COG7: variants seen among roughly 807,000 people sequenced by gnomAD.
COG7 encodes component of oligomeric golgi complex 7.
In COG7, 49 loss-of-function variants were observed where a neutral mutation model predicts 91.5. That is an observed-to-expected ratio of 0.54 (90% CI 0.43 to 0.68). The LOEUF is 0.68. Ranked by LOEUF, COG7 falls within the 30% of genes least tolerant of loss-of-function variation. The probability of loss-of-function intolerance (pLI) is 0.00; values close to 1 mark genes in which losing one functional copy is unlikely to be tolerated. For missense variants in COG7, 895 were observed against 961.3 expected, an observed-to-expected ratio of 0.93 and a Z score of 0.91; for synonymous variants, 365 against 388.7, an observed-to-expected ratio of 0.94 and a Z score of 0.72.
chr16:23,420,233 G>C (rs1963732489), intron 7 of COG7, among the ~76,000 whole-genome samples: 1 of 152,158 alleles, frequency 6.6e-6, no homozygotes, highest in Non-Finnish European at 1.5e-5. Context: ...ATGTAAATGT[G>C]CATATTCTAC....
chr16:23,400,516 G>A (rs250581), intron 13 of COG7, among the ~76,000 whole-genome samples: 46,093 of 152,000 alleles, frequency 0.3, 8,261 homozygotes, highest in African/African-American at 0.5. Context: ...CCATCCCAGG[G>A]ACTGCAGCCT....
intron 1 of COG7, chr16:23,446,444 T>A (rs1231476915): frequency 6.7e-6 from 1 of 149,614 alleles, no homozygotes; most frequent in African/African-American, 2.7e-5. Context: ...CTTTCCATGG[T>A]CTTTTTTTTT....
intron 7 of COG7, 88 bp downstream of exon 7, chr16:23,424,661 T>C (rs1963814689): frequency 5.1e-6 from 7 of 1,367,800 alleles, no homozygotes; most frequent in Admixed American, 1.7e-5. Context: ...AAATCAGTCA[T>C]CTGAAAAGGC....
rs42534 is a variant in COG7 at position 23,408,303 on chromosome 16, T to C, written c.1475+1992A>G. Reference sequence around the variant, plus strand: ...GGCAGGGGGCGAGTGGGGCGGGAGGTAGGGGGCGAGTGGGGCGGGAGGTAG... The same window carrying C: ...GGCAGGGGGCGAGTGGGGCGGGAGGCAGGGGGCGAGTGGGGCGGGAGGTAG... On this transcript the variant is annotated intron_variant, in intron 11 of 16. Transcript: ENST00000307149. Among the ~76,000 whole-genome samples, 21 of 7,272 alleles carry C rather than the reference T, an allele frequency of 2.9e-3. 2 individuals are homozygous for C. In the South Asian group the frequency reaches 0.049, roughly 17 times the overall value. 4.8% of individuals were successfully genotyped at this position (7,272 alleles called of 152,430 possible). A position where few individuals can be genotyped will look rare whatever the true frequency, so the allele number is the denominator to read the frequency against.
At chr16:23,439,499 G>A (rs1964067460) in intron 4 of COG7, among the ~76,000 whole-genome samples, 1 of 152,022 alleles carries the variant, frequency 6.6e-6, no homozygotes, top group Non-Finnish European at 1.5e-5. Flanking sequence ...GAGAAAATGT[G>A]GTAATATATG....
intron 14 of COG7, chr16:23,394,753 T>C (rs1025596852): frequency 6.6e-6 from 1 of 152,204 alleles, no homozygotes; most frequent in African/African-American, 2.4e-5. Context: ...TTCAATATGG[T>C]TTGGCTGTGT....
intron 4 of COG7, among the ~76,000 whole-genome samples, chr16:23,437,634 C>T (rs891690334): frequency 5.3e-5 from 8 of 152,210 alleles, no homozygotes; most frequent in African/African-American, 1.9e-4. Context: ...TAAAGGAAAG[C>T]GCTCTTAAAC....
At chr16:23,420,020 T>C (rs1963728805) in intron 7 of COG7, among the ~76,000 whole-genome samples, 1 of 151,590 alleles carries the variant, frequency 6.6e-6, no homozygotes, top group South Asian at 2.1e-4. Flanking sequence ...CATGCATCTG[T>C]GGTCCCAGCT....
chr16:23,413,382 T>A, intron 10 of COG7, 66 bp downstream of exon 10: 10 of 879,508 alleles, frequency 1.1e-5, no homozygotes. Context: ...CATTTTTATA[T>A]ACTATATCAT....
intron 14 of COG7, among the ~76,000 whole-genome samples, chr16:23,396,671 T>A (rs535788416): frequency 6.6e-6 from 1 of 151,742 alleles, no homozygotes; most frequent in Admixed American, 6.6e-5. Flanking sequence ...AGAGGCTCCA[T>A]CTCAAAAATA....
chr16:23,424,965 T>A lies in COG7; in HGVS notation c.811-18A>T. ...TGGAAAACCTGCAGTGAGAGAGAGG[T>A]GTACCTGCCTTAGCACATGGAGCCA... is the stretch of plus-strand genomic sequence containing the variant. On this transcript the variant is annotated intron_variant, in intron 6 of 16. Coordinates refer to ENST00000307149, the MANE Select transcript of COG7 (RefSeq NM_153603.4). The A allele has an allele frequency of 2.4e-5, 37 of 1,562,734 alleles. No individual in the cohort carries two copies. The highest frequency in any genetic ancestry group is 2.9e-5 in the Non-Finnish European group (33 of 1,144,256).
chr16:23,395,802 G>C (rs999912806), intron 14 of COG7, among the ~76,000 whole-genome samples: 3 of 152,220 alleles, frequency 2.0e-5, no homozygotes, highest in Non-Finnish European at 2.9e-5. Context: ...TCCTGGTTGG[G>C]TTAACTCACT....
chr16:23,392,559 G>A (rs1485613115), intron 15 of COG7, 36 bp from the exon 16 acceptor site: 1 of 1,613,718 alleles, frequency 6.2e-7, no homozygotes, highest in Non-Finnish European at 8.5e-7. Flanking sequence ...GAAAACACAG[G>A]CCTGCAGTAG....
chr16:23,434,555 G>C (rs1030130002), intron 5 of COG7, 81 bp downstream of exon 5: 63 of 1,079,200 alleles, frequency 5.8e-5, no homozygotes, highest in African/African-American at 9.3e-5. Context: ...CTTACCTTCT[G>C]AATTATGAAC....
chr16:23,410,948 C>T (rs1205733913), intron 10 of COG7, among the ~76,000 whole-genome samples: 1 of 152,154 alleles, frequency 6.6e-6, no homozygotes, highest in Non-Finnish European at 1.5e-5. Context: ...CTTAAGTGAT[C>T]CGCCTGCCTT....
intron 9 of COG7, chr16:23,413,782 A>C: frequency 2.0e-6 from 1 of 492,446 alleles, no homozygotes; most frequent in South Asian, 2.1e-5. Flanking sequence ...CAGTTTCTAA[A>C]AGAGATGCCC....
chr16:23,424,961 G>GACC lies in COG7; in HGVS notation c.811-15_811-14insGGT. 1.3e-6 allele frequency: 2 copies of GACC among 1,587,228 alleles called. No individual in the cohort carries two copies. Among genetic ancestry groups the GACC allele is most frequent in the Non-Finnish European group, 1.7e-6 (2 of 1,164,424 alleles). On this transcript the variant is annotated splice_polypyrimidine_tract_variant and intron_variant, in intron 6 of 16. Transcript: ENST00000307149. The stretch of plus-strand genomic sequence containing the variant: ...CTTCTGGAAAACCTGCAGTGAGAGA[G>GACC]AGGTGTACCTGCCTTAGCACATGGA...
rs1352218096 is a variant in COG7, at chr16:23,449,672, C to T, written c.169+3154G>A. Among the ~76,000 whole-genome samples the T allele has an allele frequency of 2.7e-5, 4 of 148,774 alleles. No individual in the cohort carries two copies. In the East Asian group the frequency reaches 6.2e-4, roughly 23 times the overall value. Reference sequence around the variant, plus strand: ...AGGAGAATTGCTTGAACCCGAGAGGCGGAGGTTGCAGTGAGCCGCGATCAC... The same window carrying T: ...AGGAGAATTGCTTGAACCCGAGAGGTGGAGGTTGCAGTGAGCCGCGATCAC... On this transcript the variant is annotated intron_variant, in intron 1 of 16. Coordinates refer to ENST00000307149, the MANE Select transcript of COG7 (RefSeq NM_153603.4).
chr16:23,440,998 G>C (rs936577048), intron 4 of COG7, among the ~76,000 whole-genome samples: 17 of 151,628 alleles, frequency 1.1e-4, no homozygotes, highest in African/African-American at 4.1e-4. Flanking sequence ...TATATGGAGA[G>C]GGAAAAAGGA....
Sources: gnomAD v4.1 joint callset for allele counts (sites outside exome capture counted in the v4.1 genomes callset) on GRCh38, gnomAD v4.1.1 for gene constraint, MANE v1.5 for transcripts, NCBI Gene and HGNC (gene_info 2026-07-23, HGNC 2026-07-21) for gene names.